SLC45A1: variants seen among roughly 807,000 people sequenced by gnomAD.
SLC45A1 encodes the protein solute carrier family 45 member 1, also known as proton-associated sugar transporter A.
A neutral mutation model predicts 57.6 loss-of-function variants in SLC45A1; 28 were observed. The ratio of observed to expected loss-of-function variants is 0.49; its 90% CI spans 0.36 to 0.67. The LOEUF is 0.67. SLC45A1 is among the 30% of genes least tolerant of loss of function. SLC45A1 has a pLI of 0.00. For missense variants in SLC45A1, 814 were observed against 1,041.5 expected, an observed-to-expected ratio of 0.78 and a Z score of 3.01; for synonymous variants, 459 against 471.5, an observed-to-expected ratio of 0.97 and a Z score of 0.34.
rs1317312696 is a variant in SLC45A1, at chr1:8,327,624, A to G, written c.715+1582A>G. Among the ~76,000 whole-genome samples, 1 of 152,254 alleles carries G rather than the reference A, an allele frequency of 6.6e-6. No homozygotes were observed. Among genetic ancestry groups the G allele is most frequent in the African/African-American group, 2.4e-5 (1 of 41,474 alleles). On this transcript the variant is annotated intron_variant, in intron 4 of 8. Coordinates refer to ENST00000471889, the MANE Select transcript of SLC45A1 (RefSeq NM_001080397.3). This position sits in a 1 kb window ranked among gnomAD's most constrained non-coding sequence, Gnocchi z 4.3. ...GAGTTTGAAACCAGCTTGGGTGAAC[A>G]GTGAGACCCCATCTCTAAAAACATA...
chr1:8,321,803 G>A (rs946826998), intron 1 of SLC45A1, among the ~76,000 whole-genome samples: 4 of 151,844 alleles, frequency 2.6e-5, no homozygotes, highest in African/African-American at 7.3e-5. Flanking sequence ...TGTGTGGAAG[G>A]ATGGATGGGT....
chr1:8,333,822 C>T lies in SLC45A1; in HGVS notation c.1444-1615C>T, dbSNP rs117557848. Among the ~76,000 whole-genome samples, 295 of 152,322 alleles carry T rather than the reference C, an allele frequency of 1.9e-3. 1 individual carries two copies. Among genetic ancestry groups the T allele is most frequent in the African/African-American group, 6.7e-3 (279 of 41,576 alleles). On this transcript the variant is annotated intron_variant, in intron 5 of 8. Transcript: ENST00000471889. ...CCGGGGTGTCTTCACGCCTGCGTAC[C>T]GTCTCAGCGTGAGGAAGGACACTGC...
rs1057132793 is a variant in SLC45A1, at chr1:8,328,350, T to TCGGTCG, written c.716-1857_716-1852dup. Among the ~76,000 whole-genome samples, 1 of 152,170 alleles carries TCGGTCG rather than the reference T, an allele frequency of 6.6e-6. No individual in the cohort carries two copies. The highest frequency in any genetic ancestry group is 1.5e-5 in the Non-Finnish European group (1 of 68,036). ...GCAAATGGCTCTACTTCCACAAGCC[T>TCGGTCG]CGGTCGCATCTCCTGGAAAATGTTG... On this transcript the variant is annotated intron_variant, in intron 4 of 8. Coordinates refer to ENST00000471889, the MANE Select transcript of SLC45A1 (RefSeq NM_001080397.3). This position sits in a 1 kb window ranked among gnomAD's most constrained non-coding sequence, Gnocchi z 4.6.
chr1:8,334,337 A>G (rs11121167), intron 5 of SLC45A1, among the ~76,000 whole-genome samples: 66,277 of 152,206 alleles, frequency 0.44, 15,773 homozygotes, highest in Middle Eastern at 0.64. Context: ...GGGAGCCGGC[A>G]CTGCGGCCTC....
intron 8 of SLC45A1, among the ~76,000 whole-genome samples, chr1:8,341,855 G>A (rs866946573): frequency 6.6e-6 from 1 of 151,942 alleles, no homozygotes; most frequent in South Asian, 2.1e-4. Flanking sequence ...GGGAGGCGGA[G>A]GTTGCACTGA....
In SLC45A1 at chr1:8,343,814, A is replaced by C; in HGVS notation, c.2048A>C (p.Gln683Pro). The change falls in exon 9 of 9, where the codon CAG (glutamine) becomes CCG (proline). Residue 683 changes from glutamine (Q) to proline (P), a missense_variant. Transcript: ENST00000471889. This position sits in a 1 kb window ranked among gnomAD's most constrained non-coding sequence, Gnocchi z 7.7. ...MGVDISLLSC[Q>P]YFLAQILVSL... ...GTGGACATCTCTCTGCTGAGCTGCC[A>C]GTACTTCCTGGCTCAGATTCTGGTC... 1.2e-6 allele frequency: 2 copies of C among 1,614,160 alleles called. No homozygotes were observed. The highest frequency in any genetic ancestry group is 1.7e-6 in the Non-Finnish European group (2 of 1,180,010).
chr1:8,342,301 A>G (rs1429495312), intron 8 of SLC45A1, among the ~76,000 whole-genome samples: 1 of 152,198 alleles, frequency 6.6e-6, no homozygotes, highest in Non-Finnish European at 1.5e-5. Flanking sequence ...AATATGCACC[A>G]TCTAACAGTG....
At chr1:8,340,441 C>T (rs1424036616) in intron 8 of SLC45A1, among the ~76,000 whole-genome samples, 1 of 152,122 alleles carries the variant, frequency 6.6e-6, no homozygotes, top group East Asian at 1.9e-4. Flanking sequence ...GGATTACAGG[C>T]GTGAGCCACC....
chr1:8,320,692 T>TACAC lies in SLC45A1; in HGVS notation c.-25+2545_-25+2548dup, dbSNP rs57414432. On this transcript the variant is annotated intron_variant, in intron 1 of 8. Coordinates refer to ENST00000471889, the MANE Select transcript of SLC45A1 (RefSeq NM_001080397.3). ...CTCTCTCTCTGTTTCTCTCTCTCTC[T>TACAC]ACACACACACACACACACACACACA... Among the ~76,000 whole-genome samples the TACAC allele has an allele frequency of 8.8e-3, 896 of 101,290 alleles. 11 individuals carry two copies. The highest frequency in any genetic ancestry group is 0.027 in the African/African-American group (845 of 31,516). The allele number at this position is 101,290 out of a possible 152,430, so 66.5% of individuals were successfully genotyped here. A position where few individuals can be genotyped will look rare whatever the true frequency, so the allele number is the denominator to read the frequency against.
At chr1:8,320,573 A>C (rs1422842676) in intron 1 of SLC45A1, among the ~76,000 whole-genome samples, 1 of 151,770 alleles carries the variant, frequency 6.6e-6, no homozygotes, top group East Asian at 1.9e-4. Flanking sequence ...GAGCCCAGGG[A>C]GGTTGAGGCT....
intron 6 of SLC45A1, 97 bp from the exon 7 acceptor site, chr1:8,337,719 C>T (rs1002610546): frequency 2.3e-5 from 28 of 1,199,218 alleles, no homozygotes; most frequent in Non-Finnish European, 3.2e-5. Flanking sequence ...CGCCCAGCTG[C>T]TCATTACTTT....
At chr1:8,332,760 C>G (rs1640455361) in intron 5 of SLC45A1, among the ~76,000 whole-genome samples, 1 of 152,146 alleles carries the variant, frequency 6.6e-6, no homozygotes, top group African/African-American at 2.4e-5. Flanking sequence ...ATCCACCCAC[C>G]TTGGCCTCCC....
In SLC45A1 at chr1:8,337,956, A is replaced by T. The variant is rs1557568155; in HGVS notation, c.1738A>T (p.Met580Leu). The change falls in exon 7 of 9, where the codon ATG becomes TTG. Residue 580 changes from methionine to leucine, a missense_variant. Transcript: ENST00000471889. ...CGGCGTGACCATGGGCTGCTGGGGCATGTGTATCTACGCCTTCAGTGCTGC... is the reference window on the plus strand; with the variant it reads ...CGGCGTGACCATGGGCTGCTGGGGCTTGTGTATCTACGCCTTCAGTGCTGC... ...NSGVTMGCWG[M>L]CIYAFSAAFY... 1.2e-6 allele frequency: 2 copies of T among 1,614,172 alleles called. No individual in the cohort carries two copies. Among genetic ancestry groups the T allele is most frequent in the East Asian group, 2.2e-5 (1 of 44,880 alleles).
In SLC45A1 at chr1:8,330,280, G is replaced by T. The variant is rs775305042; in HGVS notation, c.787G>T (p.Gly263Trp). ...TAAAACGGGCTTCGGGAGGGCCCTG[G>T]GGGGACAGCTCCGAGTCATTTACCT... is the stretch of plus-strand genomic sequence containing the variant. The part of the protein sequence containing the change: ...WDKTGFGRAL[G>W]GQLRVIYLFT... Residue 263 changes from glycine to tryptophan, a missense_variant, in exon 5 of 9, where the codon GGG becomes TGG. Transcript: ENST00000471889. This position sits in a 1 kb window ranked among gnomAD's most constrained non-coding sequence, Gnocchi z 8.4. 1 of 1,613,882 alleles carries T rather than the reference G, an allele frequency of 6.2e-7. No homozygotes were observed.
intron 1 of SLC45A1, among the ~76,000 whole-genome samples, chr1:8,319,621 C>T (rs1203360746): frequency 3.3e-5 from 5 of 152,094 alleles, no homozygotes; most frequent in African/African-American, 7.2e-5. Context: ...GATGGTCTGG[C>T]GAATGTTTGT....
chr1:8,326,598 A>G lies in SLC45A1; in HGVS notation c.715+556A>G, dbSNP rs9645401. 0.24 allele frequency among the ~76,000 whole-genome samples: 35,773 copies of G among 152,122 alleles called. 4,383 individuals are homozygous for G. Among genetic ancestry groups the G allele is most frequent in the Middle Eastern group, 0.34 (100 of 294 alleles). On this transcript the variant is annotated intron_variant, in intron 4 of 8. Coordinates refer to ENST00000471889, the MANE Select transcript of SLC45A1 (RefSeq NM_001080397.3). This position sits in a 1 kb window ranked among gnomAD's most constrained non-coding sequence, Gnocchi z 5.5. ...CGGCTTTCTTGCACCTGGAAACGTC[A>G]GACAGCTTGGGGGCCATTTAAACAG...
In SLC45A1 at chr1:8,320,657, GTCTC is replaced by G. The variant is rs559573564; in HGVS notation, c.-25+2487_-25+2490del. Among the ~76,000 whole-genome samples the G allele has an allele frequency of 1.5e-3, 202 of 137,926 alleles. 1 individual carries two copies. Among genetic ancestry groups the G allele is most frequent in the African/African-American group, 4.0e-3 (146 of 36,390 alleles). The allele number at this position is 137,926 out of a possible 152,430, so 90.5% of individuals were successfully genotyped here. A position where few individuals can be genotyped will look rare whatever the true frequency, so the allele number is the denominator to read the frequency against. ...ACTCTGTCTGTCTGTCTGTCTGTCT[GTCTC>G]TCTCTCTCTCTCTCTGTTTCTCTCT... On this transcript the variant is annotated intron_variant, in intron 1 of 8. Coordinates refer to ENST00000471889, the MANE Select transcript of SLC45A1 (RefSeq NM_001080397.3).
At position 8,335,418 on chromosome 1, in the gene SLC45A1, G is replaced by A. The variant is rs765039460; in HGVS notation, c.1444-19G>A. The A allele has an allele frequency of 1.9e-6, 3 of 1,574,104 alleles. No individual in the cohort carries two copies. The highest frequency in any genetic ancestry group is 2.6e-6 in the Non-Finnish European group (3 of 1,165,948). Reference sequence around the variant, plus strand: ...TGGGGGTGCGGGGCTCTGATGAGGGGTTTGTGGGCTCTTCCCAGGTGGCCA... The same window carrying A: ...TGGGGGTGCGGGGCTCTGATGAGGGATTTGTGGGCTCTTCCCAGGTGGCCA... On this transcript the variant is annotated intron_variant, in intron 5 of 8. Coordinates refer to ENST00000471889, the MANE Select transcript of SLC45A1 (RefSeq NM_001080397.3). This position sits in a 1 kb window ranked among gnomAD's most constrained non-coding sequence, Gnocchi z 4.1.
In SLC45A1 at chr1:8,343,136, T is replaced by C. The variant is rs1278263155; in HGVS notation, c.1981-611T>C. Among the ~76,000 whole-genome samples the C allele has an allele frequency of 6.6e-6, 1 of 152,062 alleles. No homozygotes were observed. The highest frequency in any genetic ancestry group is 1.9e-4 in the East Asian group (1 of 5,176). On this transcript the variant is annotated intron_variant, in intron 8 of 8. Transcript: ENST00000471889. This position sits in a 1 kb window ranked among gnomAD's most constrained non-coding sequence, Gnocchi z 7.7. ...GCTCCCAGGTCACAGCAATGCCCAC[T>C]CACGCAGCACCTTGCAGGCCGGCTG...
Sources: gnomAD v4.1 joint callset for allele counts (sites outside exome capture counted in the v4.1 genomes callset) on GRCh38, gnomAD v4.1.1 for gene constraint, Gnocchi (gnomAD v3.1) non-coding constraint, MANE v1.5 for transcripts, NCBI Gene and HGNC (gene_info 2026-07-23, HGNC 2026-07-21) for gene names.